Variants in SASH1 observed in about 807,000 individuals in gnomAD.
SASH1 encodes SAM and SH3 domain containing 1, also known as SAM and SH3 domain-containing protein 1.
In SASH1, 44 loss-of-function variants were observed where a neutral mutation model predicts 125.2. That is an observed-to-expected ratio of 0.35 (90% CI 0.28 to 0.45). SASH1 has a LOEUF of 0.45. SASH1 is among the 20% of genes least tolerant of loss of function. The pLI, the probability that SASH1 is intolerant of heterozygous loss-of-function variation, is 1.00. For synonymous variants in SASH1, 639 were observed against 649.1 expected (o/e 0.98, Z 0.24); for missense variants, 1,426 against 1,614.5 (o/e 0.88, Z 2.00).
intron 2 of SASH1, among the ~76,000 whole-genome samples, chr6:148,430,671 A>C (rs1776023420): frequency 6.6e-6 from 1 of 152,224 alleles, no homozygotes. Context: ...ACACAGAAGC[A>C]GTGAGTTTCT....
intron 1 of SASH1, among the ~76,000 whole-genome samples, chr6:148,357,135 G>A (rs145747297): frequency 6.6e-6 from 1 of 152,300 alleles, no homozygotes; most frequent in African/African-American, 2.4e-5. Flanking sequence ...TCTGTGGGTT[G>A]TCTGTTTACT....
At chr6:148,535,075 C>T (rs1583318665) in intron 16 of SASH1, among the ~76,000 whole-genome samples, 174 bp downstream of exon 16, 1 of 152,240 alleles carries the variant, frequency 6.6e-6, no homozygotes, top group East Asian at 1.9e-4. Flanking sequence ...GTGAGGTCTG[C>T]CACAGCAGGC....
chr6:148,206,793 G>GCACACACACACACA, the SASH1 span, among the ~76,000 whole-genome samples: 695 of 134,536 alleles, frequency 5.2e-3, 8 homozygotes, highest in African/African-American at 0.015. Context: ...CCATCTCAAA[G>GCACACACACACACA]CACACACACA....
chr6:148,213,692 T>G, the SASH1 span, among the ~76,000 whole-genome samples: 1 of 152,122 alleles, frequency 6.6e-6, no homozygotes, highest in Admixed American at 6.6e-5. Context: ...AGGCACTAGA[T>G]TAGAGGTCGC....
intron 1 of SASH1, among the ~76,000 whole-genome samples, chr6:148,361,479 G>A (rs578212740): frequency 3.7e-4 from 56 of 152,210 alleles, no homozygotes; most frequent in Middle Eastern, 3.4e-3. Flanking sequence ...GTGCATGCCT[G>A]TAGTCCCAGC....
rs574869346 is a variant in SASH1 at position 148,440,191 on chromosome 6, C to T, written c.293C>T (p.Pro98Leu). ...RVSQDLEVEK[P>L]DASPTSLQLR... ...GCATCTGTTCTGTTTTAGGAGAAAC[C>T]CGATGCTAGCCCCACGTCACTTCAG... Residue 98 changes from proline (P) to leucine (L), a missense_variant, in exon 3 of 20, where the codon CCC becomes CTC. Transcript: ENST00000367467. 142 of 1,614,038 alleles carry T rather than the reference C, an allele frequency of 8.8e-5. No homozygotes were observed. In the South Asian group the frequency reaches 1.4e-3, roughly 16 times the overall value.
chr6:148,297,606 T>C (rs1028399010), intron 1 of SASH1, among the ~76,000 whole-genome samples: 3 of 152,184 alleles, frequency 2.0e-5, no homozygotes, highest in South Asian at 2.1e-4. Flanking sequence ...GGCAGGTGGA[T>C]TGCCTGAGGT....
At chr6:148,331,188 G>A (rs1411100680) in intron 1 of SASH1, among the ~76,000 whole-genome samples, 1 of 152,170 alleles carries the variant, frequency 6.6e-6, no homozygotes, top group African/African-American at 2.4e-5. Context: ...TGTCTATAAT[G>A]TGTTACCAAA....
At chr6:148,425,291 GT>G (rs1775766436) in intron 2 of SASH1, among the ~76,000 whole-genome samples, 1 of 152,176 alleles carries the variant, frequency 6.6e-6, no homozygotes, top group African/African-American at 2.4e-5. Context: ...TTTAAAATCT[GT>G]TATGTTTTCA....
chr6:148,394,801 C>T (rs1783881616), intron 2 of SASH1, among the ~76,000 whole-genome samples: 1 of 152,112 alleles, frequency 6.6e-6, no homozygotes, highest in Non-Finnish European at 1.5e-5. Flanking sequence ...TGTACCACCC[C>T]TCCCGGCTAA....
chr6:148,516,555 C>T (rs17715583), intron 9 of SASH1, among the ~76,000 whole-genome samples: 11,802 of 140,228 alleles, frequency 0.084, 607 homozygotes, highest in Non-Finnish European at 0.11. Context: ...TGACTTCCTG[C>T]GTGCCTGTGC....
At chr6:148,291,599 G>A (rs567077421) in intron 1 of SASH1, among the ~76,000 whole-genome samples, 6 of 152,184 alleles carry the variant, frequency 3.9e-5, no homozygotes, top group East Asian at 1.9e-4. Context: ...TGGGTGGATC[G>A]CTTGAGCCTA....
intron 1 of SASH1, 109 bp from the exon 2 acceptor site, chr6:148,390,025 T>G: frequency 7.6e-7 from 1 of 1,314,768 alleles, no homozygotes; most frequent in East Asian, 2.5e-5. Flanking sequence ...TGTTTCCCAC[T>G]TAAATACCAA....
chr6:148,428,574 A>G (rs1775923495), intron 2 of SASH1, among the ~76,000 whole-genome samples: 1 of 134,264 alleles, frequency 7.4e-6, no homozygotes, highest in Admixed American at 8.2e-5. Context: ...GGTTGCAGTG[A>G]GCTGAGATGG....
Position 148,440,202 on chromosome 6 carries a change from C to G in SASH1, c.304C>G (p.Pro102Ala), listed in dbSNP as rs748762677. ...DLEVEKPDAS[P>A]TSLQLRSQIE... ...GTTTTAGGAGAAACCCGATGCTAGCCCCACGTCACTTCAGCTGCGGTCCCA... is the reference window on the plus strand; with the variant it reads ...GTTTTAGGAGAAACCCGATGCTAGCGCCACGTCACTTCAGCTGCGGTCCCA... Residue 102 changes from proline to alanine, a missense_variant, in exon 3 of 20, where the codon CCC becomes GCC. Physicochemically the swap from Pro to Ala is conservative, Grantham distance 27 (BLOSUM62 -1). Coordinates refer to ENST00000367467, the MANE Select transcript of SASH1 (RefSeq NM_015278.5). The G allele has an allele frequency of 1.9e-6, 3 of 1,613,858 alleles. No homozygotes were observed. Among genetic ancestry groups the G allele is most frequent in the Non-Finnish European group, 2.5e-6 (3 of 1,180,012 alleles).
At chr6:148,467,279 T>C (rs536649912) in intron 4 of SASH1, among the ~76,000 whole-genome samples, 15 of 152,066 alleles carry the variant, frequency 9.9e-5, no homozygotes, top group Non-Finnish European at 2.1e-4. Flanking sequence ...GTATTTTTAG[T>C]AGAGACGGAG....
At position 148,377,907 on chromosome 6, in the gene SASH1, C is replaced by T. The variant is rs144005454; in HGVS notation, c.157-12227C>T. Among the ~76,000 whole-genome samples the T allele has an allele frequency of 3.2e-4, 48 of 152,224 alleles. 1 individual carries two copies. The East Asian group carries it at 8.9e-3, about 28-fold the overall frequency. ...AATCCTATTACAGCCTGTGGGGTAG[C>T]TTTGTAATTACCATTTTACAGATGA... is the stretch of plus-strand genomic sequence containing the variant. On this transcript the variant is annotated intron_variant, in intron 1 of 19. Coordinates refer to ENST00000367467, the MANE Select transcript of SASH1 (RefSeq NM_015278.5).
the SASH1 span, among the ~76,000 whole-genome samples, chr6:148,201,167 C>CACACTG: frequency 6.6e-6 from 1 of 152,106 alleles, no homozygotes; most frequent in Non-Finnish European, 1.5e-5. Context: ...GACCTTGGAC[C>CACACTG]ACACTGACGT....
the SASH1 span, among the ~76,000 whole-genome samples, chr6:148,206,058 C>T: frequency 2.0e-5 from 3 of 152,098 alleles, no homozygotes; most frequent in Non-Finnish European, 4.4e-5. Flanking sequence ...GAAAGTTGCA[C>T]TTTACAAATG....
Sources: gnomAD v4.1 joint callset for allele counts (sites outside exome capture counted in the v4.1 genomes callset) on GRCh38, gnomAD v4.1.1 for gene constraint, MANE v1.5 for transcripts, NCBI Gene and HGNC (gene_info 2026-07-23, HGNC 2026-07-21) for gene names.